FAM228B: variants seen among roughly 807,000 people sequenced by gnomAD.
FAM228B encodes the protein protein FAM228B.
FAM228B carries 38 observed loss-of-function variants against 42.6 expected under a neutral mutation model. The observed-to-expected ratio is 0.89, with a 90% CI of 0.69 to 1.17. FAM228B has a LOEUF of 1.17. Ranked by LOEUF, FAM228B falls within the 50% of genes most tolerant of loss-of-function variation. The probability of loss-of-function intolerance (pLI) is 0.00; values close to 1 mark genes in which losing one functional copy is unlikely to be tolerated. For synonymous variants in FAM228B, 109 were observed against 122.3 expected (o/e 0.89, Z 0.72); for missense variants, 344 against 367.3 (o/e 0.94, Z 0.52).
chr2:24,109,193 T>C (rs1242038370), intron 3 of FAM228B, among the ~76,000 whole-genome samples: 1 of 123,144 alleles, frequency 8.1e-6, no homozygotes, highest in African/African-American at 2.9e-5. Context: ...AAAAAAGCAA[T>C]GGAAAGTACT....
chr2:24,139,478 T>C, intron 5 of FAM228B, 28 bp downstream of exon 5: 1 of 1,382,900 alleles, frequency 7.2e-7, no homozygotes, highest in African/African-American at 1.4e-5. Flanking sequence ...TTTTTAACTT[T>C]GGTATTATGT....
chr2:24,150,530 T>C (rs1283172447), intron 7 of FAM228B, among the ~76,000 whole-genome samples: 1 of 152,128 alleles, frequency 6.6e-6, no homozygotes. Context: ...GTTCCAGTGA[T>C]TCTTGTGCCT....
intron 3 of FAM228B, among the ~76,000 whole-genome samples, chr2:24,114,067 A>G (rs1378857770): frequency 6.6e-6 from 1 of 152,218 alleles, no homozygotes; most frequent in East Asian, 1.9e-4. Flanking sequence ...GCTATTATAC[A>G]GAGCTGAAAA....
At chr2:24,144,126 T>G (rs1464899165) in intron 5 of FAM228B, among the ~76,000 whole-genome samples, 1 of 152,212 alleles carries the variant, frequency 6.6e-6, no homozygotes, top group East Asian at 1.9e-4. Flanking sequence ...AGATTGTTGT[T>G]TGTTTCTATC....
chr2:24,089,750 G>A (rs1021774693), intron 2 of FAM228B, among the ~76,000 whole-genome samples: 13 of 152,116 alleles, frequency 8.5e-5, no homozygotes, highest in Admixed American at 3.9e-4. Flanking sequence ...TTAAGATTTG[G>A]GGATAGTTTA....
upstream of FAM228B, among the ~76,000 whole-genome samples, chr2:24,119,859 C>T (rs1467183730): frequency 2.0e-5 from 3 of 152,350 alleles, no homozygotes; most frequent in Admixed American, 6.5e-5. Flanking sequence ...GGACTGTCCA[C>T]TCTTTTCCAC....
At chr2:24,119,711 G>A (rs754368337), upstream of FAM228B, 1 of 1,535,712 alleles carries the variant, frequency 6.5e-7, no homozygotes, top group Non-Finnish European at 9.0e-7. Flanking sequence ...AGAATATTCT[G>A]CTCTTGGTTC....
At chr2:24,088,317 T>A (rs1413691675) in intron 2 of FAM228B, among the ~76,000 whole-genome samples, 1 of 152,160 alleles carries the variant, frequency 6.6e-6, no homozygotes, top group Non-Finnish European at 1.5e-5. Flanking sequence ...TCATTCTACA[T>A]ACCTCTTCAC....
chr2:24,161,562 G>T lies in FAM228B; in HGVS notation c.743G>T (p.Arg248Ile). ...AGTTTTGATTTGAAACCTTTGGCAAGAGCTCCTTATCTTTTGGAATCCCAG... is the reference window on the plus strand; with the variant it reads ...AGTTTTGATTTGAAACCTTTGGCAATAGCTCCTTATCTTTTGGAATCCCAG... ...DCSFDLKPLARAPYLLESQEE... is the reference protein window; with the variant it reads ...DCSFDLKPLAIAPYLLESQEE... The change falls in exon 8 of 11, where the codon AGA becomes ATA. Residue 248 changes from arginine (R) to isoleucine (I), a missense_variant. By Grantham distance (97) the Arg-to-Ile change is moderately conservative. Transcript: ENST00000615575. The T allele has an allele frequency of 6.5e-7, 1 of 1,548,416 alleles. No homozygotes were observed. Among genetic ancestry groups the T allele is most frequent in the Non-Finnish European group, 8.7e-7 (1 of 1,143,946 alleles).
At chr2:24,134,589 CAA>C (rs1394135082) in intron 2 of FAM228B, among the ~76,000 whole-genome samples, 1 of 152,210 alleles carries the variant, frequency 6.6e-6, no homozygotes, top group Non-Finnish European at 1.5e-5. Context: ...TTTTGGGACT[CAA>C]AGTGTCTGTG....
At chr2:24,163,167 C>T (rs570974240) in intron 8 of FAM228B, among the ~76,000 whole-genome samples, 2 of 152,230 alleles carry the variant, frequency 1.3e-5, no homozygotes, top group African/African-American at 4.8e-5. Context: ...GATCGGCTTA[C>T]AATTCTCTGT....
At position 24,154,934 on chromosome 2, in the gene FAM228B, T is replaced by C. The variant is rs368402423; in HGVS notation, c.687-6572T>C. Among the ~76,000 whole-genome samples, 13 of 152,212 alleles carry C rather than the reference T, an allele frequency of 8.5e-5. No individual in the cohort carries two copies. In the East Asian group the frequency reaches 1.3e-3, roughly 16 times the overall value. On this transcript the variant is annotated intron_variant, in intron 7 of 10. Coordinates refer to ENST00000615575, the MANE Select transcript of FAM228B (RefSeq NM_001145710.2). ...TTTTAAAAAGTGGCCACAAATGGCA[T>C]TGTGAATGTTACATAAGACAGAAAT...
chr2:24,087,269 T>C (rs550071026), intron 2 of FAM228B: 1 of 152,246 alleles, frequency 6.6e-6, no homozygotes, highest in East Asian at 1.9e-4. Flanking sequence ...TAACTAGATA[T>C]ACGGTCTTGC....
rs58867611 is a variant in FAM228B, at chr2:24,117,014, A to ATTT, written c.-120-18088_-120-18086dup. 1.6e-3 allele frequency among the ~76,000 whole-genome samples: 217 copies of ATTT among 131,922 alleles called. 2 individuals are homozygous for ATTT. Among genetic ancestry groups the ATTT allele is most frequent in the African/African-American group, 5.5e-3 (198 of 35,848 alleles). The allele number at this position is 131,922 out of a possible 152,430, so 86.5% of individuals were successfully genotyped here. ...ATATTTATTTTAAAAACAATCCTGC[A>ATTT]TTTTTTTTTTTTTTTTTTTGAGACA... On this transcript the variant is annotated intron_variant, in intron 3 of 10. Transcript: ENST00000613899.
At chr2:24,091,291 G>A (rs1324224167) in intron 2 of FAM228B, among the ~76,000 whole-genome samples, 1 of 152,110 alleles carries the variant, frequency 6.6e-6, no homozygotes, top group African/African-American at 2.4e-5. Context: ...AAATTAGCCG[G>A]GCGTGGTGGC....
chr2:24,107,221 A>G (rs1192533866), intron 3 of FAM228B, among the ~76,000 whole-genome samples: 1 of 152,248 alleles, frequency 6.6e-6, no homozygotes, highest in Non-Finnish European at 1.5e-5. Flanking sequence ...TTCAACAAGA[A>G]GACCTAACTA....
At chr2:24,157,630 C>G (rs1667178701) in intron 7 of FAM228B, among the ~76,000 whole-genome samples, 1 of 151,782 alleles carries the variant, frequency 6.6e-6, no homozygotes. Context: ...TCCAGCTACT[C>G]AGGAGTCTGG....
At chr2:24,164,956 T>A (rs1309224474) in intron 9 of FAM228B, among the ~76,000 whole-genome samples, 2 of 151,496 alleles carry the variant, frequency 1.3e-5, no homozygotes, top group Admixed American at 1.3e-4. Context: ...GTGGAAAGGA[T>A]CCCGGGAAAA....
In FAM228B at chr2:24,135,179, G is replaced by A; in HGVS notation, c.160G>A (p.Val54Ile). 1 of 1,480,890 alleles carries A rather than the reference G, an allele frequency of 6.8e-7. No homozygotes were observed. Among genetic ancestry groups the A allele is most frequent in the South Asian group, 1.3e-5 (1 of 75,406 alleles). 91.7% of individuals were successfully genotyped at this position (1,480,890 alleles called of 1,614,324 possible). ...IQSILYKENS[V>I]IKELDKYLQH... ...ATCAATATTATACAAAGAAAATTCT[G>A]TAATTAAGGTAAGAATTGGCTACAA... The change falls in exon 3 of 11, where the codon GTA becomes ATA. Residue 54 changes from valine (V) to isoleucine (I), a missense_variant. Coordinates refer to ENST00000615575, the MANE Select transcript of FAM228B (RefSeq NM_001145710.2).
Sources: allele counts gnomAD v4.1 joint callset (sites outside exome capture counted in the v4.1 genomes callset), GRCh38; gene constraint gnomAD v4.1.1; transcripts MANE v1.5; gene names NCBI Gene and HGNC (gene_info 2026-07-23, HGNC 2026-07-21).